DENND5B: variants seen among roughly 807,000 people sequenced by gnomAD.
DENND5B encodes DENN domain containing 5B.
DENND5B carries 34 observed loss-of-function variants against 140.6 expected under a neutral mutation model. The observed-to-expected ratio is 0.24, with a 90% CI of 0.18 to 0.32. The LOEUF is 0.32. DENND5B is among the 10% of genes least tolerant of loss of function. The probability of loss-of-function intolerance (pLI) is 1.00; values close to 1 mark genes in which losing one functional copy is unlikely to be tolerated. For missense variants in DENND5B, 1,142 were observed against 1,560.2 expected (o/e 0.73, Z 4.52); for synonymous variants, 551 against 562.1 (o/e 0.98, Z 0.28).
chr12:31,575,762 G>A (rs924134455), intron 1 of DENND5B, among the ~76,000 whole-genome samples: 1 of 152,078 alleles, frequency 6.6e-6, no homozygotes, highest in Admixed American at 6.6e-5. Flanking sequence ...GAGACAGCCT[G>A]GGCAACACAG....
chr12:31,590,594 G>A (rs1156743208), intron 1 of DENND5B, 112 bp downstream of exon 1: 2 of 1,227,718 alleles, frequency 1.6e-6, no homozygotes, highest in East Asian at 3.3e-5. Context: ...GCGGCGGGAG[G>A]GCGCCACCGG....
chr12:31,481,184 A>G (rs1946055088), intron 2 of DENND5B, among the ~76,000 whole-genome samples: 1 of 152,212 alleles, frequency 6.6e-6, no homozygotes. Context: ...ATTTAACCAT[A>G]TATTATTACT....
intron 17 of DENND5B, 109 bp from the exon 18 acceptor site, chr12:31,392,805 C>G (rs1229273113): frequency 2.7e-6 from 3 of 1,107,964 alleles, no homozygotes; most frequent in Non-Finnish European, 1.3e-6. Flanking sequence ...TCAGAGCAGG[C>G]TGGCTTTGCC....
At chr12:31,540,949 G>A (rs1405624045) in intron 1 of DENND5B, 2 of 446,278 alleles carry the variant, frequency 4.5e-6, no homozygotes, top group Non-Finnish European at 9.0e-6. Flanking sequence ...AACATACAAT[G>A]GAGAAAGGAC....
chr12:31,418,320 C>T (rs1479888169), intron 11 of DENND5B, among the ~76,000 whole-genome samples: 8 of 127,902 alleles, frequency 6.3e-5, no homozygotes, highest in African/African-American at 2.3e-4. Flanking sequence ...TCACTCTTGT[C>T]GCCCAGGCTG....
intron 1 of DENND5B, among the ~76,000 whole-genome samples, chr12:31,506,891 T>C (rs1182082414): frequency 6.6e-6 from 1 of 152,194 alleles, no homozygotes; most frequent in Non-Finnish European, 1.5e-5. Flanking sequence ...AACCAGGAAG[T>C]TCCACTAAAT....
chr12:31,553,651 T>A (rs1246574529), intron 1 of DENND5B, among the ~76,000 whole-genome samples: 1 of 152,182 alleles, frequency 6.6e-6, no homozygotes, highest in African/African-American at 2.4e-5. Context: ...CTGTCTAATG[T>A]TGACAGTGGG....
At chr12:31,415,658 A>G (rs1942698136) in intron 11 of DENND5B, among the ~76,000 whole-genome samples, 1 of 152,126 alleles carries the variant, frequency 6.6e-6, no homozygotes, top group Non-Finnish European at 1.5e-5. Flanking sequence ...ATCGTGGCTC[A>G]CTGCAGCCTC....
At chr12:31,411,652 T>C (rs1456857374) in intron 13 of DENND5B, among the ~76,000 whole-genome samples, 1 of 151,772 alleles carries the variant, frequency 6.6e-6, no homozygotes, top group African/African-American at 2.4e-5. Context: ...CAATAACTTT[T>C]TGTAATTGGA....
intron 3 of DENND5B, among the ~76,000 whole-genome samples, chr12:31,473,130 G>A (rs1171609790): frequency 2.0e-5 from 3 of 152,128 alleles, no homozygotes; most frequent in Non-Finnish European, 4.4e-5. Context: ...TAGAGATGGG[G>A]TTTTGCTATG....
chr12:31,552,225 T>G (rs993635888), intron 1 of DENND5B, among the ~76,000 whole-genome samples: 1 of 152,202 alleles, frequency 6.6e-6, no homozygotes, highest in Non-Finnish European at 1.5e-5. Context: ...CTTATTATTT[T>G]GAGATACGTC....
chr12:31,530,531 G>C (rs1948246029), intron 1 of DENND5B, among the ~76,000 whole-genome samples: 1 of 152,068 alleles, frequency 6.6e-6, no homozygotes, highest in African/African-American at 2.4e-5. Flanking sequence ...TTCCAACATA[G>C]TTTAAAACTC....
At chr12:31,447,134 G>A (rs139509652) in intron 6 of DENND5B, among the ~76,000 whole-genome samples, 3 of 151,964 alleles carry the variant, frequency 2.0e-5, no homozygotes, top group African/African-American at 7.2e-5. Flanking sequence ...AGTCAGGCGT[G>A]ATGGTGCGTG....
intron 7 of DENND5B, 38 bp downstream of exon 7, chr12:31,442,737 T>C (rs754600955): frequency 1.7e-5 from 27 of 1,596,416 alleles, no homozygotes; most frequent in Non-Finnish European, 2.1e-5. Context: ...CCTTCATTCA[T>C]TCCTTCAACC....
At chr12:31,399,372 G>A (rs112915641) in intron 16 of DENND5B, among the ~76,000 whole-genome samples, 22,231 of 145,762 alleles carry the variant, frequency 0.15, 1,937 homozygotes, top group East Asian at 0.25. Context: ...TCCCCCTCCC[G>A]GGTTCAAGCG....
intron 2 of DENND5B, among the ~76,000 whole-genome samples, chr12:31,484,730 G>A (rs990184967): frequency 3.3e-5 from 5 of 152,142 alleles, no homozygotes; most frequent in African/African-American, 1.2e-4. Context: ...GAACCTGGGA[G>A]GCGGAGGTTG....
At chr12:31,571,879 G>A (rs914549771) in intron 1 of DENND5B, among the ~76,000 whole-genome samples, 5 of 152,122 alleles carry the variant, frequency 3.3e-5, no homozygotes, top group African/African-American at 1.2e-4. Flanking sequence ...AAAGTGCTGG[G>A]ATTACAGGCG....
At chr12:31,408,860 T>C (rs907528919) in intron 14 of DENND5B, among the ~76,000 whole-genome samples, 1 of 152,190 alleles carries the variant, frequency 6.6e-6, no homozygotes, top group African/African-American at 2.4e-5. Context: ...GAAATTAGCA[T>C]GGACAATGCT....
chr12:31,447,956 C>G (rs1944342880), intron 5 of DENND5B, among the ~76,000 whole-genome samples, 187 bp from the exon 6 acceptor site: 2 of 152,162 alleles, frequency 1.3e-5, no homozygotes, highest in South Asian at 4.1e-4. Context: ...ATGTACGTCA[C>G]TTAGGTCTTT....
Sources: allele counts gnomAD v4.1 joint callset (sites outside exome capture counted in the v4.1 genomes callset), GRCh38; gene constraint gnomAD v4.1.1; transcripts MANE v1.5; gene names NCBI Gene and HGNC (gene_info 2026-07-23, HGNC 2026-07-21).